The following LRRC53 variants were observed in gnomAD, a reference collection of about 807,000 sequenced individuals.
LRRC53 encodes the protein leucine rich repeat containing 53.
Under a neutral mutation model 13.6 loss-of-function variants are expected in LRRC53, and 25 were observed. The ratio of observed to expected loss-of-function variants is 1.83; its 90% CI spans 1.34 to 2.56. The LOEUF (loss-of-function observed/expected upper bound fraction) is 2.56. Among genes scored for constraint, LRRC53 ranks in the 30% most tolerant of loss-of-function variants. The pLI is 0.00. For missense variants in LRRC53, 527 were observed against 275.8 expected (o/e 1.91, Z -6.45); for synonymous variants, 204 against 109.8 (o/e 1.86, Z -5.37).
chr1:74,529,315 T>C, the LRRC53 span, among the ~76,000 whole-genome samples: 1,708 of 152,294 alleles, frequency 0.011, 41 homozygotes, highest in African/African-American at 0.04. Flanking sequence ...CCTTCTGTGA[T>C]ACTGCCCTCC....
chr1:74,532,310 ATTAT>A, the LRRC53 span, among the ~76,000 whole-genome samples: 4 of 152,136 alleles, frequency 2.6e-5, no homozygotes, highest in Non-Finnish European at 5.9e-5. Flanking sequence ...TTTTGCTCTG[ATTAT>A]AAGGGATGTT....
chr1:74,511,883 A>G (rs1362349096), intron 1 of LRRC53, among the ~76,000 whole-genome samples: 1 of 152,210 alleles, frequency 6.6e-6, no homozygotes, highest in Non-Finnish European at 1.5e-5. Flanking sequence ...CCTGCACAGT[A>G]CATTTGGGAA....
At chr1:74,481,752 A>G (rs1244343832) in intron 2 of LRRC53, among the ~76,000 whole-genome samples, 1 of 152,206 alleles carries the variant, frequency 6.6e-6, no homozygotes, top group Non-Finnish European at 1.5e-5. Flanking sequence ...AACTCAATAA[A>G]GAAGTATTAT....
chr1:74,501,250 A>G lies in LRRC53; in HGVS notation c.-27+11276T>C, dbSNP rs1052583720. On this transcript the variant is annotated intron_variant, in intron 1 of 4. Coordinates refer to ENST00000294635, the MANE Select transcript of LRRC53 (RefSeq NM_001382280.1). ...CTTATTCTCTCAGAAGCTGGATTTA[A>G]TGTGTTGTTTACTTTGTTCATTGCA... Among the ~76,000 whole-genome samples the G allele has an allele frequency of 2.0e-5, 3 of 152,214 alleles. No individual in the cohort carries two copies. The South Asian group carries it at 6.2e-4, about 32-fold the overall frequency.
the LRRC53 span, among the ~76,000 whole-genome samples, chr1:74,534,025 C>A: frequency 2.6e-5 from 4 of 152,146 alleles, no homozygotes; most frequent in Non-Finnish European, 5.9e-5. Context: ...ATCCCCAAAA[C>A]GCCGGTGAAA....
At position 74,511,103 on chromosome 1, in the gene LRRC53, G is replaced by A. The variant is rs529710716; in HGVS notation, c.-27+1423C>T. Among the ~76,000 whole-genome samples the A allele has an allele frequency of 3.9e-5, 6 of 152,110 alleles. No homozygotes were observed. The South Asian group carries it at 1.2e-3, about 32-fold the overall frequency. On this transcript the variant is annotated intron_variant, in intron 1 of 4. Transcript: ENST00000294635. ...GAGTTTCACCATGTTGGCCAGGCTG[G>A]TCTGGAACTCCTGGTGATCACCTCA...
chr1:74,479,448 T>A (rs373352249), intron 3 of LRRC53, among the ~76,000 whole-genome samples: 9 of 152,044 alleles, frequency 5.9e-5, no homozygotes, highest in East Asian at 3.9e-4. Flanking sequence ...TTACATAGAG[T>A]TGGACAAACA....
chr1:74,478,600 T>C (rs956577825), intron 3 of LRRC53, among the ~76,000 whole-genome samples: 2 of 152,192 alleles, frequency 1.3e-5, no homozygotes, highest in African/African-American at 2.4e-5. Flanking sequence ...GTTCAAGAAA[T>C]GCTCCATATC....
At chr1:74,486,579 T>C (rs1282193110) in intron 1 of LRRC53, among the ~76,000 whole-genome samples, 2 of 150,500 alleles carry the variant, frequency 1.3e-5, no homozygotes, top group Non-Finnish European at 2.9e-5. Flanking sequence ...GCTATAAATA[T>C]AATTAATTGC....
the LRRC53 span, among the ~76,000 whole-genome samples, chr1:74,527,867 G>A: frequency 1.3e-5 from 2 of 152,216 alleles, no homozygotes; most frequent in South Asian, 2.1e-4. Flanking sequence ...CAAGTAAGGT[G>A]TGGAGAATGT....
chr1:74,479,577 C>G (rs903611980), intron 3 of LRRC53, among the ~76,000 whole-genome samples: 6 of 152,224 alleles, frequency 3.9e-5, no homozygotes, highest in African/African-American at 1.4e-4. Flanking sequence ...CCTAGGTAAT[C>G]CAACTACAGA....
intron 1 of LRRC53, among the ~76,000 whole-genome samples, chr1:74,497,592 A>G (rs991959529): frequency 6.6e-5 from 10 of 150,566 alleles, no homozygotes; most frequent in Non-Finnish European, 1.2e-4. Flanking sequence ...ATACACATGC[A>G]CACACACACA....
intron 2 of LRRC53, 52 bp from the exon 3 acceptor site, chr1:74,481,020 A>C (rs543626278): frequency 3.0e-6 from 2 of 658,500 alleles, no homozygotes; most frequent in Admixed American, 4.5e-5. Flanking sequence ...AGTGGGAGGG[A>C]GGGGGTATGG....
In LRRC53 at chr1:74,495,899, C is replaced by T. The variant is rs141978677; in HGVS notation, c.-26-12524G>A. Among the ~76,000 whole-genome samples the T allele has an allele frequency of 1.6e-4, 25 of 152,192 alleles. No individual in the cohort carries two copies. In the East Asian group the frequency reaches 4.4e-3, roughly 27 times the overall value. On this transcript the variant is annotated intron_variant, in intron 1 of 4. Transcript: ENST00000294635. Reference sequence around the variant, plus strand: ...CCTTTTCAGCTTGTGTATATGAAGGCAGAGGAAGTGAGAACAGCGATCAAT... The same window carrying T: ...CCTTTTCAGCTTGTGTATATGAAGGTAGAGGAAGTGAGAACAGCGATCAAT...
At chr1:74,497,444 A>G (rs994783613) in intron 1 of LRRC53, among the ~76,000 whole-genome samples, 1 of 151,970 alleles carries the variant, frequency 6.6e-6, no homozygotes, top group Non-Finnish European at 1.5e-5. Context: ...ACTCACCACA[A>G]TCAGCAATTT....
chr1:74,525,176 G>A, the LRRC53 span, among the ~76,000 whole-genome samples: 1 of 152,098 alleles, frequency 6.6e-6, no homozygotes, highest in African/African-American at 2.4e-5. Flanking sequence ...TGGAAGAGGG[G>A]AAGGAAAGAA....
intron 1 of LRRC53, among the ~76,000 whole-genome samples, chr1:74,496,630 A>C (rs1669341100): frequency 6.6e-6 from 1 of 152,136 alleles, no homozygotes; most frequent in South Asian, 2.1e-4. Context: ...ATTCTTTATA[A>C]ATAAATTTAG....
intron 1 of LRRC53, among the ~76,000 whole-genome samples, chr1:74,499,039 A>G (rs1669476700): frequency 6.6e-6 from 1 of 152,210 alleles, no homozygotes; most frequent in African/African-American, 2.4e-5. Context: ...AATCTTCATT[A>G]GAGAAATGAA....
the LRRC53 span, among the ~76,000 whole-genome samples, chr1:74,532,628 G>A: frequency 4.1e-5 from 5 of 121,526 alleles, no homozygotes; most frequent in East Asian, 9.1e-4. Flanking sequence ...CTCCCCCCTC[G>A]CCCCACCCCA....
Sources: allele counts gnomAD v4.1 joint callset (sites outside exome capture counted in the v4.1 genomes callset), GRCh38; gene constraint gnomAD v4.1.1; transcripts MANE v1.5; gene names NCBI Gene and HGNC (gene_info 2026-07-23, HGNC 2026-07-21).